ANKRD12: variants seen among roughly 807,000 people sequenced by gnomAD.
ANKRD12 encodes the protein ankyrin repeat domain-containing protein 12.
A neutral mutation model predicts 183.4 loss-of-function variants in ANKRD12; 85 were observed. The ratio of observed to expected loss-of-function variants is 0.46; its 90% confidence interval spans 0.39 to 0.56. The LOEUF is 0.56. Among genes scored for constraint, ANKRD12 ranks in the 20% least tolerant of loss-of-function variants. The pLI is 0.00. For missense variants in ANKRD12, 2,405 were observed against 2,357.1 expected, an observed-to-expected ratio of 1.02 and a Z score of -0.42; for synonymous variants, 914 against 800.2, an observed-to-expected ratio of 1.14 and a Z score of -2.40.
chr18:9,249,893 G>A (rs978672417), intron 8 of ANKRD12: 2 of 152,138 alleles, frequency 1.3e-5, no homozygotes, highest in African/African-American at 4.8e-5. Context: ...CACTATTATG[G>A]CTAATGTGTG....
At chr18:9,171,995 G>T (rs2032779234) in intron 1 of ANKRD12, among the ~76,000 whole-genome samples, 1 of 150,636 alleles carries the variant, frequency 6.6e-6, no homozygotes, top group Non-Finnish European at 1.5e-5. Context: ...ACTCTATCCT[G>T]GGCAGGAAGA....
chr18:9,234,639 A>G (rs2037239809), intron 8 of ANKRD12, among the ~76,000 whole-genome samples: 1 of 151,988 alleles, frequency 6.6e-6, no homozygotes, highest in Admixed American at 6.6e-5. Context: ...ATGTGGAGAT[A>G]TGGGGGCTAT....
At chr18:9,250,743 C>G (rs7506375) in intron 8 of ANKRD12, among the ~76,000 whole-genome samples, 11,226 of 152,106 alleles carry the variant, frequency 0.074, 426 homozygotes, top group African/African-American at 0.083. Context: ...CTCCAGAAAT[C>G]AAAACTCTGA....
At chr18:9,168,591 C>T (rs933912038) in intron 1 of ANKRD12, among the ~76,000 whole-genome samples, 6 of 152,126 alleles carry the variant, frequency 3.9e-5, no homozygotes, top group African/African-American at 1.4e-4. Context: ...TTTATTGCGT[C>T]TATTTGATTC....
chr18:9,247,429 C>T (rs950197380), intron 8 of ANKRD12, among the ~76,000 whole-genome samples: 2 of 151,852 alleles, frequency 1.3e-5, no homozygotes, highest in South Asian at 2.1e-4. Context: ...CAGTGAGCTG[C>T]GATCGTGCCA....
Position 9,256,407 on chromosome 18 carries a change from C to A in ANKRD12, c.3140C>A (p.Ser1047Tyr), listed in dbSNP as rs151012938. Residue 1047 changes from serine (S) to tyrosine (Y), a missense_variant, in exon 9 of 13, where the codon TCT becomes TAT. Coordinates refer to ENST00000262126, the MANE Select transcript of ANKRD12 (RefSeq NM_015208.5). ...IQINSLLKLK[S>Y]EADKPKPKSS... ...ATAAATAGCTTACTCAAACTAAAAT[C>A]TGAAGCAGATAAGCCTAAACCTAAG... 154 of 1,610,372 alleles carry A rather than the reference C, an allele frequency of 9.6e-5. No individual in the cohort carries two copies. Among genetic ancestry groups the A allele is most frequent in the Admixed American group, 1.5e-4 (9 of 59,296 alleles).
chr18:9,174,929 CATTTATTT>C (rs36102081), intron 1 of ANKRD12, among the ~76,000 whole-genome samples: 14 of 150,058 alleles, frequency 9.3e-5, no homozygotes, highest in Non-Finnish European at 1.9e-4. Flanking sequence ...CAGACCAAAG[CATTTATTT>C]ATTTATTTAT....
At chr18:9,263,221 CAAATT>C (rs2039085426) in intron 9 of ANKRD12, among the ~76,000 whole-genome samples, 1 of 152,122 alleles carries the variant, frequency 6.6e-6, no homozygotes, top group South Asian at 2.1e-4. Context: ...ACTACAATAT[CAAATT>C]AGAGATGAAC....
At chr18:9,217,782 A>T (rs2036193588) in intron 7 of ANKRD12, among the ~76,000 whole-genome samples, 1 of 152,162 alleles carries the variant, frequency 6.6e-6, no homozygotes, top group South Asian at 2.1e-4. Flanking sequence ...CCTGCACTAG[A>T]CTGCAAGTAC....
chr18:9,234,093 C>T (rs1025954667), intron 8 of ANKRD12, among the ~76,000 whole-genome samples: 1 of 152,122 alleles, frequency 6.6e-6, no homozygotes, highest in East Asian at 1.9e-4. Context: ...CTTTCTCACT[C>T]TCTTCAGCAG....
chr18:9,265,911 C>T lies in ANKRD12; in HGVS notation c.5763+2023C>T, dbSNP rs1031914360. Among the ~76,000 whole-genome samples the T allele has an allele frequency of 3.3e-5, 5 of 152,078 alleles. 1 individual carries two copies. The highest frequency in any genetic ancestry group is 6.3e-3 in the Middle Eastern group (2 of 316). On this transcript the variant is annotated intron_variant, in intron 10 of 12. Transcript: ENST00000262126. ...GAATGGCTAACTAGAATAACCAATG[C>T]AGAGAAGTCCTTAAAGGACCTGATG...
chr18:9,167,782 C>T (rs2032242180), intron 1 of ANKRD12, among the ~76,000 whole-genome samples: 1 of 152,198 alleles, frequency 6.6e-6, no homozygotes. Context: ...GGGAGGGCAT[C>T]TCTGTCTTGT....
intron 1 of ANKRD12, among the ~76,000 whole-genome samples, chr18:9,168,687 T>G (rs1029562408): frequency 2.2e-4 from 34 of 152,328 alleles, no homozygotes; most frequent in African/African-American, 8.2e-4. Flanking sequence ...GATTCATTAA[T>G]TTTTTGAAGG....
chr18:9,277,124 T>G lies in ANKRD12; in HGVS notation c.5907+1457T>G, dbSNP rs2039878547. Among the ~76,000 whole-genome samples the G allele has an allele frequency of 2.0e-5, 3 of 152,138 alleles. No individual in the cohort carries two copies. In the South Asian group the frequency reaches 6.2e-4, roughly 32 times the overall value. On this transcript the variant is annotated intron_variant, in intron 11 of 12. Coordinates refer to ENST00000262126, the MANE Select transcript of ANKRD12 (RefSeq NM_015208.5). ...AAATATATACATACCTGTTGATTCC[T>G]TCTTTCTCCCAAAACTCATTGAAAT... is the stretch of plus-strand genomic sequence containing the variant.
rs545583123 is a variant in ANKRD12, at chr18:9,272,703, G to T, written c.5764-2821G>T. Among the ~76,000 whole-genome samples, 3 of 152,268 alleles carry T rather than the reference G, an allele frequency of 2.0e-5. No homozygotes were observed. In the South Asian group the frequency reaches 6.2e-4, roughly 32 times the overall value. On this transcript the variant is annotated intron_variant, in intron 10 of 12. Transcript: ENST00000262126. ...CTGGCTATTTTTAATTTTGCATCAAGGTTTTGGATATGTATTACTTCAAGT... is the reference window on the plus strand; with the variant it reads ...CTGGCTATTTTTAATTTTGCATCAATGTTTTGGATATGTATTACTTCAAGT...
chr18:9,245,324 G>A (rs1031471662), intron 8 of ANKRD12, among the ~76,000 whole-genome samples: 4 of 151,602 alleles, frequency 2.6e-5, no homozygotes, highest in South Asian at 2.1e-4. Context: ...GGTGGGGCAC[G>A]CGTGTAGTAC....
chr18:9,254,216 G>T lies in ANKRD12; in HGVS notation c.949G>T (p.Glu317Ter). ...TTTTCTTTTTTTTATTCTAGATTCC[G>T]AAGAGGCTCAATCTGTAAATCCTTC... ...SDDDESYTDSEEAQSVNPSSV... is the reference protein window; with the variant it reads ...SDDDESYTDS The change falls in exon 9 of 13, where the codon GAA becomes TAA. Residue 317 changes from glutamate (E) to a stop codon, truncating the protein, a stop_gained. Transcript: ENST00000262126. LOFTEE classifies it high-confidence loss of function. 2.0e-6 allele frequency: 3 copies of T among 1,521,854 alleles called. No individual in the cohort carries two copies. Among genetic ancestry groups the T allele is most frequent in the Non-Finnish European group, 2.6e-6 (3 of 1,137,576 alleles). The allele number at this position is 1,521,854 out of a possible 1,614,324, so 94.3% of individuals were successfully genotyped here.
intron 2 of ANKRD12, among the ~76,000 whole-genome samples, chr18:9,184,792 T>C (rs1327583665): frequency 1.3e-5 from 2 of 152,192 alleles, no homozygotes; most frequent in Admixed American, 6.5e-5. Context: ...ACAATCAATT[T>C]TAGAAGTTTC....
At chr18:9,212,655 A>T (rs552112623) in intron 6 of ANKRD12, among the ~76,000 whole-genome samples, 4 of 151,748 alleles carry the variant, frequency 2.6e-5, no homozygotes. Flanking sequence ...ATGGAGATAC[A>T]TGTTTTAGAT....
Sources: gnomAD v4.1 joint callset for allele counts (sites outside exome capture counted in the v4.1 genomes callset) on GRCh38, gnomAD v4.1.1 for gene constraint, MANE v1.5 for transcripts, NCBI Gene and HGNC (gene_info 2026-07-23, HGNC 2026-07-21) for gene names.